FAT3: variants seen among roughly 807,000 people sequenced by gnomAD.
The protein encoded by FAT3 is FAT atypical cadherin 3.
FAT3 carries 95 observed loss-of-function variants against 310.2 expected under a neutral mutation model. The observed-to-expected ratio is 0.31, with a 90% confidence interval of 0.26 to 0.36. The LOEUF (loss-of-function observed/expected upper bound fraction) is 0.36, where lower values mean the gene tolerates loss of function less well. Among genes scored for constraint, FAT3 ranks in the 10% least tolerant of loss-of-function variants. The pLI is 1.00. For missense variants in FAT3, 5,408 were observed against 5,715.6 expected, an observed-to-expected ratio of 0.95 and a Z score of 1.74; for synonymous variants, 2,314 against 2,192.9, an observed-to-expected ratio of 1.06 and a Z score of -1.54.
rs185529432 is a variant in FAT3, at chr11:92,349,506, C to T, written c.-17-2590C>T. ...GACACCCCAATCACACTGTGGGCTT[C>T]GCCACTCTGCTAGGTAGGACATTTG... On this transcript the variant is annotated intron_variant, in intron 1 of 27. Transcript: ENST00000525166. Among the ~76,000 whole-genome samples, 28 of 152,332 alleles carry T rather than the reference C, an allele frequency of 1.8e-4. 1 individual carries two copies. Among genetic ancestry groups the T allele is most frequent in the Admixed American group, 1.5e-3 (23 of 15,304 alleles).
At chr11:92,771,586 T>C (rs915039362) in intron 6 of FAT3, among the ~76,000 whole-genome samples, 1 of 152,078 alleles carries the variant, frequency 6.6e-6, no homozygotes, top group Non-Finnish European at 1.5e-5. Context: ...GCTAGCTATA[T>C]TGGTAAGCTG....
At chr11:92,603,696 G>C (rs1184593491) in intron 3 of FAT3, among the ~76,000 whole-genome samples, 1 of 152,168 alleles carries the variant, frequency 6.6e-6, no homozygotes, top group Non-Finnish European at 1.5e-5. Context: ...GCTTTGTATA[G>C]AGTAGGTGTC....
chr11:92,354,315 G>C lies in FAT3; in HGVS notation c.2203G>C (p.Val735Leu). ...CAAGTCTTTTCCTTCTGATGTGGCTGTAAAGGAGGATCTGCCAGTTGGTGC... is the reference window on the plus strand; with the variant it reads ...CAAGTCTTTTCCTTCTGATGTGGCTCTAAAGGAGGATCTGCCAGTTGGTGC... ...FDKSFPSDVAVKEDLPVGANI... is the reference protein window; with the variant it reads ...FDKSFPSDVALKEDLPVGANI... The change falls in exon 2 of 28, where the codon GTA becomes CTA. Residue 735 changes from valine (V) to leucine (L), a missense_variant. By Grantham distance (32) the Val-to-Leu change is conservative. Transcript: ENST00000525166. 6.2e-7 allele frequency: 1 copy of C among 1,613,770 alleles called. No individual in the cohort carries two copies. The highest frequency in any genetic ancestry group is 8.5e-7 in the Non-Finnish European group (1 of 1,179,840).
In FAT3 at chr11:92,524,803, T is replaced by C. The variant is rs1953800777; in HGVS notation, c.3462T>C (p.Tyr1154=). Residue 1154 remains tyrosine, a synonymous_variant, in exon 3 of 28, where the codon TAT becomes TAC. Transcript: ENST00000525166. ...NAPLTSEPIY[Y]PVVMENSPKD... is the part of the protein sequence containing the mutation. The stretch of plus-strand genomic sequence containing the variant: ...CGCTGACCTCAGAACCTATATATTA[T>C]CCTGTTGTCATGGAAAACTCTCCAA... 1.2e-6 allele frequency: 2 copies of C among 1,613,724 alleles called. No individual in the cohort carries two copies. Among genetic ancestry groups the C allele is most frequent in the South Asian group, 2.2e-5 (2 of 91,068 alleles).
chr11:92,843,216 T>C (rs1247865570), intron 18 of FAT3, among the ~76,000 whole-genome samples: 1 of 152,130 alleles, frequency 6.6e-6, no homozygotes, highest in Admixed American at 6.5e-5. Flanking sequence ...CCACCTGGTC[T>C]GCAGGGTTCA....
In FAT3 at chr11:92,390,160, G is replaced by C. The variant is rs555303860; in HGVS notation, c.3292+34756G>C. Among the ~76,000 whole-genome samples the C allele has an allele frequency of 2.0e-5, 3 of 152,208 alleles. No homozygotes were observed. The East Asian group carries it at 5.8e-4, about 29-fold the overall frequency. On this transcript the variant is annotated intron_variant, in intron 2 of 27. Coordinates refer to ENST00000525166, the MANE Select transcript of FAT3 (RefSeq NM_001367949.2). ...AAATAAAAAATAAAGTTCTTGTAAA[G>C]TCAGGAATAGAGTTTATGCCATAAT...
At chr11:92,746,286 G>A (rs1024434651) in intron 4 of FAT3, among the ~76,000 whole-genome samples, 1 of 152,166 alleles carries the variant, frequency 6.6e-6, no homozygotes, top group Non-Finnish European at 1.5e-5. Context: ...ATGGTGGAAG[G>A]CAAATGAGGA....
intron 4 of FAT3, among the ~76,000 whole-genome samples, chr11:92,713,421 C>T (rs1944585343): frequency 6.6e-6 from 1 of 152,174 alleles, no homozygotes. Flanking sequence ...CCCATTTTCT[C>T]TAAAGTGCTC....
At chr11:92,675,866 A>G (rs1250704155) in intron 3 of FAT3, among the ~76,000 whole-genome samples, 2 of 152,136 alleles carry the variant, frequency 1.3e-5, no homozygotes, top group African/African-American at 4.8e-5. Context: ...CTCCCCTTTT[A>G]GGTTGATTGG....
At chr11:92,400,402 C>A (rs891097917) in intron 2 of FAT3, 11 of 152,176 alleles carry the variant, frequency 7.2e-5, no homozygotes, top group African/African-American at 2.2e-4. Context: ...CTCTGCAGAT[C>A]ACAGTCCTCA....
Position 92,844,391 on chromosome 11 carries a change from A to G in FAT3, c.11024A>G (p.Asn3675Ser). ...HMHGFRRTLRNAVLTQKQDSL... is the reference protein window; with the variant it reads ...HMHGFRRTLRSAVLTQKQDSL... Reference sequence around the variant, plus strand: ...CATGGGTTCCGGCGCACCCTGCGGAATGCAGTCCTCACCCAGAAGCAGGAC... The same window carrying G: ...CATGGGTTCCGGCGCACCCTGCGGAGTGCAGTCCTCACCCAGAAGCAGGAC... The change falls in exon 19 of 28, where the codon AAT (asparagine) becomes AGT (serine). Residue 3675 changes from asparagine (N) to serine (S), a missense_variant. This residue lies in a region of FAT3 where 4,588 missense variants were observed against 4,809.8 expected (regional missense o/e 0.95). Transcript: ENST00000525166. The G allele has an allele frequency of 1.2e-6, 2 of 1,613,940 alleles. No individual in the cohort carries two copies. The highest frequency in any genetic ancestry group is 1.7e-6 in the Non-Finnish European group (2 of 1,179,888).
chr11:92,540,570 A>T, intron 3 of FAT3, among the ~76,000 whole-genome samples: 1 of 152,142 alleles, frequency 6.6e-6, no homozygotes, highest in Non-Finnish European at 1.5e-5. Flanking sequence ...ACAAATTACG[A>T]ATGTTTCACT....
intron 2 of FAT3, among the ~76,000 whole-genome samples, chr11:92,376,944 T>C (rs77396934): frequency 6.6e-6 from 1 of 152,334 alleles, no homozygotes; most frequent in African/African-American, 2.4e-5. Flanking sequence ...TAATATGTCA[T>C]TTTTATTGGA....
chr11:92,473,686 C>T (rs1319696952), intron 2 of FAT3, among the ~76,000 whole-genome samples: 1 of 152,170 alleles, frequency 6.6e-6, no homozygotes, highest in African/African-American at 2.4e-5. Flanking sequence ...AATACCAACT[C>T]TTAAAGCCAG....
chr11:92,564,829 T>C (rs1479106071), intron 3 of FAT3, among the ~76,000 whole-genome samples: 1 of 144,210 alleles, frequency 6.9e-6, no homozygotes, highest in Non-Finnish European at 1.5e-5. Flanking sequence ...AGATGTTCTT[T>C]GAAACCAACG....
At chr11:92,568,014 A>G (rs1018761312) in intron 3 of FAT3, among the ~76,000 whole-genome samples, 5 of 152,154 alleles carry the variant, frequency 3.3e-5, no homozygotes, top group African/African-American at 4.8e-5. Context: ...CACATTGTGC[A>G]CATGTACCCT....
chr11:92,318,870 C>G lies in FAT3; in HGVS notation c.-17-33226C>G, dbSNP rs139065472. 2.0e-3 allele frequency among the ~76,000 whole-genome samples: 305 copies of G among 152,248 alleles called. 1 individual carries two copies. Among genetic ancestry groups the G allele is most frequent in the African/African-American group, 6.8e-3 (282 of 41,542 alleles). On this transcript the variant is annotated intron_variant, in intron 1 of 27. Transcript: ENST00000525166. Reference sequence around the variant, plus strand: ...GATGGTACAGGCAGACCCTATGACACGAATGCTGGATTCTGCAACTGCATG... The same window carrying G: ...GATGGTACAGGCAGACCCTATGACAGGAATGCTGGATTCTGCAACTGCATG...
chr11:92,499,754 T>TGTGTGTGTGTGTGTGA lies in FAT3; in HGVS notation c.3293-24879_3293-24878insTGTGTGTGTGTGTGAG, dbSNP rs1952881636. Among the ~76,000 whole-genome samples, 36 of 150,764 alleles carry TGTGTGTGTGTGTGTGA rather than the reference T, an allele frequency of 2.4e-4. No homozygotes were observed. The South Asian group carries it at 6.9e-3, about 29-fold the overall frequency. On this transcript the variant is annotated intron_variant, in intron 2 of 27. Coordinates refer to ENST00000525166, the MANE Select transcript of FAT3 (RefSeq NM_001367949.2). ...GTGTGTGTGTGTGTGTGTGTGTGTGTGAAAAGTCACCATGATTAGAAAGAA... is the reference window on the plus strand; with the variant it reads ...GTGTGTGTGTGTGTGTGTGTGTGTGTGTGTGTGTGTGTGTGAGAAAAGTCACCATGATTAGAAAGAA...
chr11:92,719,243 T>C (rs1274481193), intron 4 of FAT3, among the ~76,000 whole-genome samples: 1 of 152,158 alleles, frequency 6.6e-6, no homozygotes, highest in East Asian at 1.9e-4. Flanking sequence ...CCTCCTCTAT[T>C]AGATGAGGAG....
Sources: gnomAD v4.1 joint callset for allele counts (sites outside exome capture counted in the v4.1 genomes callset) on GRCh38, gnomAD v4.1.1 for gene constraint, gnomAD v4.1.1 regional missense constraint, MANE v1.5 for transcripts, NCBI Gene and HGNC (gene_info 2026-07-23, HGNC 2026-07-21) for gene names.